The following STXBP4 variants were observed in gnomAD, a reference collection of about 807,000 sequenced individuals.
STXBP4 encodes the protein syntaxin-binding protein 4.
Under a neutral mutation model 76.1 loss-of-function variants are expected in STXBP4, and 55 were observed. The ratio of observed to expected loss-of-function variants is 0.72; its 90% confidence interval spans 0.58 to 0.91. The LOEUF (loss-of-function observed/expected upper bound fraction) is 0.91, where lower values mean the gene tolerates loss of function less well. STXBP4 is among the 40% of genes least tolerant of loss of function. The pLI is 0.00. For synonymous variants in STXBP4, 201 were observed against 220.2 expected, an observed-to-expected ratio of 0.91 and a Z score of 0.77; for missense variants, 618 against 636.9, an observed-to-expected ratio of 0.97 and a Z score of 0.32.
chr17:55,054,557 TTA>T (rs2078901829), intron 12 of STXBP4, among the ~76,000 whole-genome samples: 1 of 152,088 alleles, frequency 6.6e-6, no homozygotes, highest in Non-Finnish European at 1.5e-5. Flanking sequence ...GGGTTTGGAG[TTA>T]TACCTTTGGT....
the STXBP4 span, among the ~76,000 whole-genome samples, chr17:55,183,995 A>C: frequency 1.3e-5 from 2 of 152,180 alleles, no homozygotes; most frequent in Non-Finnish European, 2.9e-5. Flanking sequence ...AATGTGACTT[A>C]ATTGTTATCC....
chr17:54,981,452 G>A (rs2077549942), intron 1 of STXBP4, among the ~76,000 whole-genome samples: 1 of 152,072 alleles, frequency 6.6e-6, no homozygotes, highest in Admixed American at 6.6e-5. Flanking sequence ...TTTTGTATAT[G>A]ATGAAAGTTG....
At chr17:55,126,160 A>G (rs757766661) in intron 16 of STXBP4, among the ~76,000 whole-genome samples, 2 of 152,312 alleles carry the variant, frequency 1.3e-5, no homozygotes, top group Non-Finnish European at 2.9e-5. Context: ...TTTACAGTAT[A>G]ATGTTTATAA....
rs2080346608 is a variant in STXBP4 at position 55,162,598 on chromosome 17, G to A, written c.*2687G>A. ...AAAAAAAAAAACAACAAAAGAGTTT[G>A]TGTGTGGCCAGGACTAAACAGCTGC... On this transcript the variant is annotated 3_prime_UTR_variant, in exon 18 of 18. Transcript: ENST00000376352. 6.6e-6 allele frequency: 1 copy of A among 151,188 alleles called. No individual in the cohort carries two copies. The highest frequency in any genetic ancestry group is 6.6e-5 in the Admixed American group (1 of 15,170). The allele number at this position is 151,188 out of a possible 1,614,324, so 9.4% of individuals were successfully genotyped here.
rs778076602 is a variant in STXBP4, at chr17:55,043,311, G to C, written c.931G>C (p.Val311Leu). The change falls in exon 11 of 18, where the codon GTA becomes CTA. Residue 311 changes from valine to leucine, a missense_variant. Coordinates refer to ENST00000376352, the MANE Select transcript of STXBP4 (RefSeq NM_178509.6). ...TGAAAGAGATGATGCCTTGAAAGAA[G>C]TAAATACACTTAAGGTAACCTCTAA... ...KCERDDALKE[V>L]NTLKEKLLES... The C allele has an allele frequency of 7.3e-6, 11 of 1,515,008 alleles. No individual in the cohort carries two copies. In the South Asian group the frequency reaches 1.5e-4, roughly 21 times the overall value. 93.8% of individuals were successfully genotyped at this position (1,515,008 alleles called of 1,614,324 possible).
intron 8 of STXBP4, among the ~76,000 whole-genome samples, chr17:55,009,092 CCTG>C (rs1224802388): frequency 2.0e-5 from 3 of 152,030 alleles, no homozygotes; most frequent in African/African-American, 7.2e-5. Context: ...CACCGCAGAC[CCTG>C]TAGCACCTAT....
intron 16 of STXBP4, among the ~76,000 whole-genome samples, chr17:55,126,546 G>A (rs1203766100): frequency 6.6e-6 from 1 of 152,182 alleles, no homozygotes; most frequent in East Asian, 1.9e-4. Context: ...GGTTTGGGTT[G>A]CACAGGTGTA....
chr17:55,052,618 ATC>A (rs1395894651), intron 12 of STXBP4, among the ~76,000 whole-genome samples: 1 of 152,154 alleles, frequency 6.6e-6, no homozygotes, highest in African/African-American at 2.4e-5. Flanking sequence ...GTTTTAAAGT[ATC>A]TCTCTACAAA....
intron 12 of STXBP4, among the ~76,000 whole-genome samples, chr17:55,068,525 C>T (rs1342845335): frequency 1.3e-5 from 2 of 152,090 alleles, no homozygotes; most frequent in Admixed American, 6.6e-5. Flanking sequence ...TTAAAAAATA[C>T]ATGTGCAAAT....
chr17:55,028,268 T>C (rs1000582509), intron 8 of STXBP4, among the ~76,000 whole-genome samples: 2 of 152,144 alleles, frequency 1.3e-5, no homozygotes, highest in Admixed American at 1.3e-4. Flanking sequence ...AAATTGTGTA[T>C]AATCTAAATG....
chr17:55,033,133 G>A (rs1229391554), intron 9 of STXBP4, among the ~76,000 whole-genome samples: 2 of 152,160 alleles, frequency 1.3e-5, no homozygotes, highest in Non-Finnish European at 2.9e-5. Context: ...CAGCACTTTA[G>A]GAGGCCAAGG....
At chr17:55,127,345 A>G (rs956860605) in intron 16 of STXBP4, among the ~76,000 whole-genome samples, 2 of 152,190 alleles carry the variant, frequency 1.3e-5, no homozygotes, top group Middle Eastern at 3.2e-3. Flanking sequence ...CCAGTCACCA[A>G]TTGATGGATC....
chr17:55,185,254 T>C, the STXBP4 span, among the ~76,000 whole-genome samples: 1 of 50,478 alleles, frequency 2.0e-5, no homozygotes, highest in African/African-American at 9.6e-5. Context: ...TTCTTCTCCT[T>C]CTCCTTCTCC....
intron 16 of STXBP4, among the ~76,000 whole-genome samples, chr17:55,101,468 A>C (rs910794631): frequency 2.0e-5 from 3 of 152,204 alleles, no homozygotes; most frequent in Non-Finnish European, 4.4e-5. Flanking sequence ...TCCTGAGAGA[A>C]ATAGCTCTCC....
intron 8 of STXBP4, among the ~76,000 whole-genome samples, chr17:55,026,193 G>A (rs572547379): frequency 4.6e-4 from 70 of 152,012 alleles, no homozygotes; most frequent in Non-Finnish European, 7.9e-4. Context: ...TCCCCACGTC[G>A]GTATACAGAT....
intron 6 of STXBP4, chr17:55,000,255 T>C (rs2077886411): frequency 1.0e-6 from 1 of 985,260 alleles, no homozygotes; most frequent in South Asian, 4.7e-5. Context: ...AGGCATCCAA[T>C]CTAAGAAGGT....
At chr17:54,988,938 A>G (rs571546268) in intron 3 of STXBP4, among the ~76,000 whole-genome samples, 2 of 152,274 alleles carry the variant, frequency 1.3e-5, no homozygotes, top group East Asian at 3.9e-4. Context: ...GATGTTATAT[A>G]TGGAGAGCAA....
the STXBP4 span, among the ~76,000 whole-genome samples, chr17:55,185,123 G>A: frequency 1.1e-4 from 17 of 151,996 alleles, no homozygotes; most frequent in Middle Eastern, 6.8e-3. Context: ...TGCCCATCTC[G>A]GCCTCCCAAG....
chr17:55,031,141 G>C (rs756092911), intron 8 of STXBP4, 27 bp from the exon 9 acceptor site: 1 of 1,552,428 alleles, frequency 6.4e-7, no homozygotes, highest in Non-Finnish European at 8.9e-7. Flanking sequence ...TTGAAAAATT[G>C]CTTTTCATGA....
Sources: allele counts gnomAD v4.1 joint callset (sites outside exome capture counted in the v4.1 genomes callset), GRCh38; gene constraint gnomAD v4.1.1; transcripts MANE v1.5; gene names NCBI Gene and HGNC (gene_info 2026-07-23, HGNC 2026-07-21).